Variants in SGCZ observed in about 807,000 individuals in gnomAD.
SGCZ encodes the protein zeta-sarcoglycan.
Under a neutral mutation model 41.3 loss-of-function variants are expected in SGCZ, and 40 were observed. That is an observed-to-expected ratio of 0.97 (90% CI 0.75 to 1.26). The LOEUF (loss-of-function observed/expected upper bound fraction) is 1.26, where lower values mean the gene tolerates loss of function less well. SGCZ is among the 50% of genes most tolerant of loss of function. The pLI is 0.00. For missense variants in SGCZ, 552 were observed against 369.8 expected (o/e 1.49, Z -4.04); for synonymous variants, 206 against 137.5 (o/e 1.50, Z -3.49).
At chr8:15,182,740 A>C (rs1185868324) in intron 1 of SGCZ, among the ~76,000 whole-genome samples, 1 of 152,234 alleles carries the variant, frequency 6.6e-6, no homozygotes, top group Non-Finnish European at 1.5e-5. Context: ...TAAAGTACAC[A>C]AAATTTATTT....
intron 1 of SGCZ, among the ~76,000 whole-genome samples, chr8:14,911,697 C>G (rs1191799774): frequency 6.6e-6 from 1 of 151,774 alleles, no homozygotes; most frequent in African/African-American, 2.4e-5. Flanking sequence ...ATGTACACAC[C>G]TAGGACCATA....
At chr8:14,701,712 G>C (rs1809143657) in intron 1 of SGCZ, among the ~76,000 whole-genome samples, 1 of 151,602 alleles carries the variant, frequency 6.6e-6, no homozygotes, top group African/African-American at 2.4e-5. Context: ...ACACAATCAT[G>C]AGACCTTCTT....
intron 1 of SGCZ, among the ~76,000 whole-genome samples, chr8:14,790,145 G>A (rs546524913): frequency 6.6e-6 from 1 of 152,230 alleles, no homozygotes; most frequent in South Asian, 2.1e-4. Flanking sequence ...TTAGAAATAG[G>A]AAATGTGAAA....
intron 1 of SGCZ, among the ~76,000 whole-genome samples, chr8:15,173,387 G>C (rs924247771): frequency 2.0e-5 from 3 of 152,152 alleles, no homozygotes; most frequent in Non-Finnish European, 4.4e-5. Context: ...TATAAAAATG[G>C]ATGATGATAG....
intron 2 of SGCZ, among the ~76,000 whole-genome samples, chr8:14,405,653 T>G (rs1799192531): frequency 6.6e-6 from 1 of 152,210 alleles, no homozygotes; most frequent in Non-Finnish European, 1.5e-5. Flanking sequence ...ATAATTCTGC[T>G]TTGAGATTCT....
intron 4 of SGCZ, among the ~76,000 whole-genome samples, chr8:14,198,944 G>A (rs1006941349): frequency 1.3e-5 from 2 of 152,146 alleles, no homozygotes; most frequent in African/African-American, 2.4e-5. Flanking sequence ...AGCTGAGGAT[G>A]TATGTCGCCT....
chr8:15,062,470 T>C (rs1804971634), intron 1 of SGCZ, among the ~76,000 whole-genome samples: 2 of 152,132 alleles, frequency 1.3e-5, no homozygotes, highest in Admixed American at 6.6e-5. Flanking sequence ...TCCTATGCAA[T>C]AACGATATTT....
At position 14,955,365 on chromosome 8, in the gene SGCZ, C is replaced by G. The variant is rs1200905072; in HGVS notation, c.39+282220G>C. Reference sequence around the variant, plus strand: ...CCAAACACGACTGGAGATCCTGGTTCTTCCCAGCTGGGGCTCAAACGTACA... The same window carrying G: ...CCAAACACGACTGGAGATCCTGGTTGTTCCCAGCTGGGGCTCAAACGTACA... On this transcript the variant is annotated intron_variant, in intron 1 of 7. Transcript: ENST00000382080. Among the ~76,000 whole-genome samples, 6 of 152,156 alleles carry G rather than the reference C, an allele frequency of 3.9e-5. No homozygotes were observed. The East Asian group carries it at 1.2e-3, about 29-fold the overall frequency.
chr8:15,040,225 A>T (rs999668958), intron 1 of SGCZ, among the ~76,000 whole-genome samples: 8 of 152,224 alleles, frequency 5.3e-5, no homozygotes, highest in African/African-American at 1.7e-4. Flanking sequence ...TTATTATGCT[A>T]TCTTTCCTTA....
At position 14,632,583 on chromosome 8, in the gene SGCZ, T is replaced by G. The variant is rs149292673; in HGVS notation, c.40-77657A>C. On this transcript the variant is annotated intron_variant, in intron 1 of 7. Coordinates refer to ENST00000382080, the MANE Select transcript of SGCZ (RefSeq NM_139167.4). ...AGAAAAAATAAATTGAAAGAATTCA[T>G]CTAAAAACAATTCTTAGTTGAATAT... Among the ~76,000 whole-genome samples the G allele has an allele frequency of 8.8e-3, 1,333 of 152,188 alleles. 18 individuals are homozygous for G. Among genetic ancestry groups the G allele is most frequent in the African/African-American group, 0.03 (1,263 of 41,524 alleles).
chr8:15,204,314 T>C (rs1380097022), intron 1 of SGCZ, among the ~76,000 whole-genome samples: 1 of 152,266 alleles, frequency 6.6e-6, no homozygotes, highest in South Asian at 2.1e-4. Flanking sequence ...TCAAAAAGTA[T>C]GCAGAAGGGT....
At chr8:15,048,894 C>T (rs1029585558) in intron 1 of SGCZ, among the ~76,000 whole-genome samples, 24 of 152,028 alleles carry the variant, frequency 1.6e-4, no homozygotes, top group African/African-American at 5.8e-4. Flanking sequence ...ATCTTCCAAA[C>T]AAAAAGTTGC....
rs191108246 is a variant in SGCZ at position 15,012,029 on chromosome 8, G to T, written c.39+225556C>A. Among the ~76,000 whole-genome samples the T allele has an allele frequency of 9.2e-5, 14 of 152,262 alleles. No homozygotes were observed. In the East Asian group the frequency reaches 2.5e-3, roughly 27 times the overall value. ...GCATCTATTTTTGAACTTGCACACA[G>T]AATTCTGTTTAACTACTCAATCGCA... On this transcript the variant is annotated intron_variant, in intron 1 of 7. Transcript: ENST00000382080.
At chr8:14,926,974 G>A (rs1015027746) in intron 1 of SGCZ, among the ~76,000 whole-genome samples, 1 of 151,734 alleles carries the variant, frequency 6.6e-6, no homozygotes, top group Non-Finnish European at 1.5e-5. Flanking sequence ...GACATCAAAA[G>A]TCTTTCCTTA....
intron 1 of SGCZ, among the ~76,000 whole-genome samples, chr8:14,691,500 A>G (rs1423831792): frequency 3.3e-5 from 5 of 152,186 alleles, no homozygotes; most frequent in African/African-American, 1.2e-4. Context: ...CCTAATTTAT[A>G]TGATTGTAAA....
At chr8:15,068,554 CA>C (rs578255341) in intron 1 of SGCZ, among the ~76,000 whole-genome samples, 127 of 151,978 alleles carry the variant, frequency 8.4e-4, no homozygotes, top group African/African-American at 2.8e-3. Context: ...AATAAGTTGC[CA>C]AAAAAATATC....
At chr8:14,189,661 ACT>A (rs1169856806) in intron 4 of SGCZ, among the ~76,000 whole-genome samples, 2 of 152,174 alleles carry the variant, frequency 1.3e-5, no homozygotes, top group African/African-American at 4.8e-5. Flanking sequence ...CTCTAGAGAA[ACT>A]TGCTATGTCC....
chr8:15,068,503 C>G (rs1043778075), intron 1 of SGCZ, among the ~76,000 whole-genome samples: 3 of 152,170 alleles, frequency 2.0e-5, no homozygotes, highest in African/African-American at 4.8e-5. Context: ...TCCTCTTTAT[C>G]TCCAAATTAC....
chr8:14,827,360 C>T (rs1802369967), intron 1 of SGCZ, among the ~76,000 whole-genome samples: 1 of 151,800 alleles, frequency 6.6e-6, no homozygotes, highest in Admixed American at 6.6e-5. Context: ...CCTCAGCCTC[C>T]CAAGTAGCTG....
Sources: allele counts gnomAD v4.1 joint callset (sites outside exome capture counted in the v4.1 genomes callset), GRCh38; gene constraint gnomAD v4.1.1; transcripts MANE v1.5; gene names NCBI Gene and HGNC (gene_info 2026-07-23, HGNC 2026-07-21).